Variants in CNTN4 observed in about 807,000 individuals in gnomAD.
The protein encoded by CNTN4 is contactin-4.
Under a neutral mutation model 122.5 loss-of-function variants are expected in CNTN4, and 77 were observed. That is an observed-to-expected ratio of 0.63 (90% confidence interval 0.52 to 0.76). The LOEUF (loss-of-function observed/expected upper bound fraction) is 0.76, where lower values mean the gene tolerates loss of function less well. Ranked by LOEUF, CNTN4 falls within the 30% of genes least tolerant of loss-of-function variation. CNTN4 has a pLI of 0.00. For synonymous variants in CNTN4, 512 were observed against 447.0 expected, an observed-to-expected ratio of 1.15 and a Z score of -1.83; for missense variants, 1,256 against 1,259.1, an observed-to-expected ratio of 1.00 and a Z score of 0.04.
chr3:2,283,476 T>C (rs1226122858), intron 2 of CNTN4, among the ~76,000 whole-genome samples: 1 of 152,120 alleles, frequency 6.6e-6, no homozygotes, highest in Non-Finnish European at 1.5e-5. Context: ...TTCATAAATA[T>C]GTCACTGAAA....
At chr3:2,882,504 T>C (rs569248707) in intron 8 of CNTN4, among the ~76,000 whole-genome samples, 8 of 152,328 alleles carry the variant, frequency 5.3e-5, no homozygotes, top group Non-Finnish European at 7.3e-5. Context: ...AGTGGGAGAA[T>C]ATGACCCTCC....
chr3:2,936,689 G>T (rs2094570030), intron 13 of CNTN4, among the ~76,000 whole-genome samples: 1 of 152,224 alleles, frequency 6.6e-6, no homozygotes, highest in African/African-American at 2.4e-5. Flanking sequence ...TCCCTGAAAT[G>T]CTCTTATCCA....
chr3:2,747,973 A>C (rs1342412848), intron 6 of CNTN4, among the ~76,000 whole-genome samples: 4 of 152,236 alleles, frequency 2.6e-5, no homozygotes, highest in Non-Finnish European at 5.9e-5. Context: ...AAATATGTGA[A>C]GATATGATCA....
chr3:2,532,596 C>A (rs1238393427), intron 3 of CNTN4, among the ~76,000 whole-genome samples: 1 of 152,112 alleles, frequency 6.6e-6, no homozygotes, highest in Non-Finnish European at 1.5e-5. Context: ...TTTTAAACTT[C>A]CTGCTTTGCA....
chr3:2,478,560 C>A (rs1301671502), intron 3 of CNTN4, among the ~76,000 whole-genome samples: 3 of 152,108 alleles, frequency 2.0e-5, no homozygotes. Context: ...GTTAGCTATT[C>A]TTCCTGATCC....
At chr3:2,656,776 T>A (rs9942092) in intron 4 of CNTN4, among the ~76,000 whole-genome samples, 22,441 of 152,192 alleles carry the variant, frequency 0.15, 1,724 homozygotes, top group Admixed American at 0.2. Context: ...GAGGTGGTCT[T>A]TAGACCCCAA....
At position 2,490,936 on chromosome 3, in the gene CNTN4, T is replaced by C. The variant is rs114439466; in HGVS notation, c.-88-80480T>C. ...AGATGCTGTTATTCAGGCCTCCCAGTTGACAGAATGACCTAGATCTAGAGA... is the reference window on the plus strand; with the variant it reads ...AGATGCTGTTATTCAGGCCTCCCAGCTGACAGAATGACCTAGATCTAGAGA... On this transcript the variant is annotated intron_variant, in intron 3 of 24. Transcript: ENST00000418658. Among the ~76,000 whole-genome samples the C allele has an allele frequency of 9.3e-3, 1,423 of 152,248 alleles. 10 individuals carry two copies. Among genetic ancestry groups the C allele is most frequent in the African/African-American group, 0.032 (1,349 of 41,528 alleles).
chr3:2,699,351 G>T (rs750542714), intron 4 of CNTN4, among the ~76,000 whole-genome samples: 2 of 152,106 alleles, frequency 1.3e-5, no homozygotes, highest in Non-Finnish European at 2.9e-5. Flanking sequence ...GTTCCTTCCT[G>T]AATGTTGCGC....
At chr3:2,900,888 G>A in intron 11 of CNTN4, 67 bp downstream of exon 11, 2 of 1,566,104 alleles carry the variant, frequency 1.3e-6, no homozygotes, top group East Asian at 2.2e-5. Context: ...TCATTGCCGT[G>A]GAAACGGGAG....
intron 4 of CNTN4, among the ~76,000 whole-genome samples, chr3:2,686,673 T>TA (rs1205435223): frequency 6.6e-6 from 1 of 152,208 alleles, no homozygotes; most frequent in East Asian, 1.9e-4. Flanking sequence ...CTGTGTGTGT[T>TA]ACACCCTTTT....
At chr3:2,553,434 A>G (rs2078596427) in intron 3 of CNTN4, among the ~76,000 whole-genome samples, 1 of 152,218 alleles carries the variant, frequency 6.6e-6, no homozygotes, top group South Asian at 2.1e-4. Context: ...TCATCTCAAG[A>G]ACAAGAATAT....
chr3:2,793,402 C>G (rs1486659955), intron 6 of CNTN4, among the ~76,000 whole-genome samples: 1 of 152,032 alleles, frequency 6.6e-6, no homozygotes, highest in Non-Finnish European at 1.5e-5. Flanking sequence ...TTCTCCATTT[C>G]TAGCTTTTAC....
At chr3:2,890,915 C>T (rs1259489544) in intron 10 of CNTN4, among the ~76,000 whole-genome samples, 1 of 152,162 alleles carries the variant, frequency 6.6e-6, no homozygotes, top group Non-Finnish European at 1.5e-5. Flanking sequence ...GATTTATTTT[C>T]AGTGGTAAAA....
intron 2 of CNTN4, among the ~76,000 whole-genome samples, chr3:2,116,090 T>A (rs1448623366): frequency 6.6e-6 from 1 of 152,210 alleles, no homozygotes; most frequent in East Asian, 1.9e-4. Flanking sequence ...CCAATCCTGA[T>A]GATCTTCAAA....
chr3:2,472,185 C>G (rs11717961), intron 3 of CNTN4, among the ~76,000 whole-genome samples: 1 of 151,136 alleles, frequency 6.6e-6, no homozygotes, highest in African/African-American at 2.4e-5. Context: ...CTCCCCAGCT[C>G]TCCACCTGAT....
chr3:2,713,070 T>A (rs2087249719), intron 4 of CNTN4, among the ~76,000 whole-genome samples: 1 of 152,158 alleles, frequency 6.6e-6, no homozygotes, highest in African/African-American at 2.4e-5. Context: ...CCACAGTGGG[T>A]CATGGGAACC....
chr3:2,415,106 A>T (rs149311116), intron 3 of CNTN4, among the ~76,000 whole-genome samples: 3 of 152,308 alleles, frequency 2.0e-5, no homozygotes, highest in African/African-American at 7.2e-5. Context: ...ACTGTGGATG[A>T]GGTATTCTGA....
At chr3:2,595,055 C>T (rs1034289667) in intron 4 of CNTN4, among the ~76,000 whole-genome samples, 4 of 152,138 alleles carry the variant, frequency 2.6e-5, no homozygotes, top group African/African-American at 9.7e-5. Flanking sequence ...AAATACAGAA[C>T]TTCAGATATG....
chr3:2,162,451 C>G (rs1337935127), intron 2 of CNTN4, among the ~76,000 whole-genome samples: 1 of 152,096 alleles, frequency 6.6e-6, no homozygotes, highest in Non-Finnish European at 1.5e-5. Context: ...CTTTATTTCT[C>G]CCAGCTACCT....
Sources: gnomAD v4.1 joint callset for allele counts (sites outside exome capture counted in the v4.1 genomes callset) on GRCh38, gnomAD v4.1.1 for gene constraint, MANE v1.5 for transcripts, NCBI Gene and HGNC (gene_info 2026-07-23, HGNC 2026-07-21) for gene names.